Variants in KCNH5 observed in about 807,000 individuals in gnomAD.
KCNH5 encodes the protein potassium voltage-gated channel subfamily H member 5.
KCNH5 carries 46 observed loss-of-function variants against 96.1 expected under a neutral mutation model. The observed-to-expected ratio is 0.48, with a 90% CI of 0.38 to 0.61. KCNH5 has a LOEUF of 0.61. Ranked by LOEUF, KCNH5 falls within the 20% of genes least tolerant of loss-of-function variation. The pLI, the probability that KCNH5 is intolerant of heterozygous loss-of-function variation, is 0.00. For synonymous variants in KCNH5, 439 were observed against 449.8 expected (o/e 0.98, Z 0.30); for missense variants, 907 against 1,225.8 (o/e 0.74, Z 3.88).
rs376531666 is a variant in KCNH5 at position 62,881,333 on chromosome 14, C to CT, written c.1370-31482dup. Among the ~76,000 whole-genome samples, 569 of 145,786 alleles carry CT rather than the reference C, an allele frequency of 3.9e-3. 3 individuals are homozygous for CT. The highest frequency in any genetic ancestry group is 0.013 in the African/African-American group (511 of 39,948). ...CCCTCATTATAAGAATGTCTCACTTCTTTTTTTTTTTAGTAAGAAACTTTT... is the reference window on the plus strand; with the variant it reads ...CCCTCATTATAAGAATGTCTCACTTCTTTTTTTTTTTTAGTAAGAAACTTTT... On this transcript the variant is annotated intron_variant, in intron 7 of 10. Transcript: ENST00000322893.
chr14:62,859,030 C>T (rs1206269433), intron 7 of KCNH5, among the ~76,000 whole-genome samples: 1 of 152,108 alleles, frequency 6.6e-6, no homozygotes, highest in Non-Finnish European at 1.5e-5. Flanking sequence ...GTATGGAATA[C>T]CATGATGGAG....
chr14:62,938,570 T>C (rs1374474077), intron 7 of KCNH5, among the ~76,000 whole-genome samples: 1 of 152,206 alleles, frequency 6.6e-6, no homozygotes, highest in Non-Finnish European at 1.5e-5. Flanking sequence ...TTGTGAGTCT[T>C]TCGGCCTGTG....
At chr14:62,925,834 T>G (rs1889465884) in intron 7 of KCNH5, among the ~76,000 whole-genome samples, 1 of 152,040 alleles carries the variant, frequency 6.6e-6, no homozygotes, top group Non-Finnish European at 1.5e-5. Context: ...AATGGTTGAG[T>G]GCTCTCTGAC....
At chr14:62,853,183 G>A (rs1055962095) in intron 7 of KCNH5, among the ~76,000 whole-genome samples, 4 of 151,760 alleles carry the variant, frequency 2.6e-5, no homozygotes, top group African/African-American at 4.8e-5. Context: ...TACCTTCAAC[G>A]TATAGCTTCA....
chr14:62,818,276 G>A (rs1405324799), intron 8 of KCNH5, among the ~76,000 whole-genome samples: 1 of 151,956 alleles, frequency 6.6e-6, no homozygotes, highest in Non-Finnish European at 1.5e-5. Flanking sequence ...TGATAGATAT[G>A]TTAATTAGCT....
At chr14:62,774,767 T>C (rs1376605588) in intron 10 of KCNH5, among the ~76,000 whole-genome samples, 1 of 152,126 alleles carries the variant, frequency 6.6e-6, no homozygotes, top group Admixed American at 6.5e-5. Flanking sequence ...TTTCTGAATA[T>C]GTTTAAACTT....
chr14:62,821,948 G>T (rs1887123371), intron 8 of KCNH5, among the ~76,000 whole-genome samples: 1 of 152,102 alleles, frequency 6.6e-6, no homozygotes, highest in African/African-American at 2.4e-5. Flanking sequence ...ACAGCCTAAT[G>T]CCAAAGAAAT....
chr14:62,933,835 G>C (rs891458158), intron 7 of KCNH5, among the ~76,000 whole-genome samples: 1 of 152,120 alleles, frequency 6.6e-6, no homozygotes, highest in Non-Finnish European at 1.5e-5. Flanking sequence ...CAGATTAAAT[G>C]AAAAAGAAGG....
At chr14:62,873,891 G>T (rs918285724) in intron 7 of KCNH5, among the ~76,000 whole-genome samples, 1 of 152,188 alleles carries the variant, frequency 6.6e-6, no homozygotes, top group Admixed American at 6.5e-5. Context: ...TCCAAGGACT[G>T]ATCTGGGTCT....
intron 9 of KCNH5, among the ~76,000 whole-genome samples, chr14:62,792,597 C>T (rs1886457305): frequency 6.6e-6 from 1 of 151,684 alleles, no homozygotes; most frequent in Admixed American, 6.6e-5. Context: ...CATCTTGAAA[C>T]TCTCCTGTTT....
At chr14:62,766,213 G>T (rs1275502935) in intron 10 of KCNH5, among the ~76,000 whole-genome samples, 1 of 152,136 alleles carries the variant, frequency 6.6e-6, no homozygotes, top group African/African-American at 2.4e-5. Context: ...GGGACATCTT[G>T]TGCACTGTGG....
chr14:62,861,845 T>C (rs951821286), intron 7 of KCNH5, among the ~76,000 whole-genome samples: 1 of 152,148 alleles, frequency 6.6e-6, no homozygotes, highest in Non-Finnish European at 1.5e-5. Flanking sequence ...GATACAGAGA[T>C]TTTCCTATGA....
chr14:63,020,331 T>C (rs1159428080), intron 1 of KCNH5, among the ~76,000 whole-genome samples: 4 of 152,130 alleles, frequency 2.6e-5, no homozygotes, highest in Non-Finnish European at 4.4e-5. Flanking sequence ...TGAAAACATA[T>C]GTTTACAAAA....
intron 9 of KCNH5, among the ~76,000 whole-genome samples, chr14:62,791,693 A>G (rs908739782): frequency 2.6e-5 from 4 of 151,756 alleles, no homozygotes; most frequent in Non-Finnish European, 5.9e-5. Context: ...TCATTATTTA[A>G]TGTTAAAGGC....
At chr14:62,822,679 A>AG (rs1034304856) in intron 8 of KCNH5, among the ~76,000 whole-genome samples, 3 of 151,826 alleles carry the variant, frequency 2.0e-5, no homozygotes, top group African/African-American at 7.3e-5. Context: ...AAAAAAAAAA[A>AG]AGCTTTTTAG....
At chr14:62,926,037 G>A (rs924606198) in intron 7 of KCNH5, among the ~76,000 whole-genome samples, 5 of 152,050 alleles carry the variant, frequency 3.3e-5, no homozygotes, top group Non-Finnish European at 4.4e-5. Flanking sequence ...AATATTGTAC[G>A]AATGCTTCAT....
At chr14:62,927,777 G>A (rs189069689) in intron 7 of KCNH5, among the ~76,000 whole-genome samples, 8 of 152,132 alleles carry the variant, frequency 5.3e-5, no homozygotes, top group Admixed American at 4.6e-4. Flanking sequence ...TTTTTGTTTT[G>A]CAAGAGTTAT....
In KCNH5 at chr14:62,708,088, T is replaced by C; in HGVS notation, c.2387A>G (p.Lys796Arg). The C allele has an allele frequency of 6.2e-7, 1 of 1,614,238 alleles. No individual in the cohort carries two copies. The highest frequency in any genetic ancestry group is 1.1e-5 in the South Asian group (1 of 91,088). ...PNGGADQKCL[K>R]VNSPIRMKNG... Reference sequence around the variant, plus strand: ...CTTCATTCTTATTGGGCTGTTGACTTTGAGACATTTTTGGTCAGCACCGCC... The same window carrying C: ...CTTCATTCTTATTGGGCTGTTGACTCTGAGACATTTTTGGTCAGCACCGCC... The change falls in exon 11 of 11, where the codon AAA (lysine) becomes AGA (arginine). Residue 796 changes from lysine (K) to arginine (R), a missense_variant. Coordinates refer to ENST00000322893, the MANE Select transcript of KCNH5 (RefSeq NM_139318.5).
At chr14:62,776,402 G>A (rs1415054885) in intron 10 of KCNH5, among the ~76,000 whole-genome samples, 1 of 152,060 alleles carries the variant, frequency 6.6e-6, no homozygotes, top group Non-Finnish European at 1.5e-5. Flanking sequence ...ACAGTGAGAA[G>A]CTGGATATTT....
Sources: gnomAD v4.1 joint callset for allele counts (sites outside exome capture counted in the v4.1 genomes callset) on GRCh38, gnomAD v4.1.1 for gene constraint, MANE v1.5 for transcripts, NCBI Gene and HGNC (gene_info 2026-07-23, HGNC 2026-07-21) for gene names.